Variants in OR3A2 observed in about 807,000 individuals in gnomAD.
OR3A2 encodes the protein olfactory receptor family 3 subfamily A member 2.
For synonymous variants in OR3A2, 126 were observed against 159.3 expected, an observed-to-expected ratio of 0.79 and a Z score of 1.57; for missense variants, 318 against 392.8, an observed-to-expected ratio of 0.81 and a Z score of 1.61.
At chr17:3,278,242 C>T in exon 2 of OR3A2, 1 of 1,614,228 alleles carries the variant, frequency 6.2e-7, no homozygotes, top group East Asian at 2.2e-5. Context: ...AGAACTGCAG[C>T]TGCCACGTGG....
rs756901542 is a variant in OR3A2, at chr17:3,292,455, CT to C, written c.-84-13303del. On this transcript the variant is annotated intron_variant, in intron 3 of 4. Transcript: ENST00000573491. ...AGCTGCCAGGATGCTGAGGTTGCCC[CT>C]GACCGTGACCAGGTAGGCAAAGAGG... The C allele has an allele frequency of 1.1e-3, 1,767 of 1,613,606 alleles. 1 individual carries two copies. The highest frequency in any genetic ancestry group is 1.4e-3 in the Non-Finnish European group (1,632 of 1,179,938).
At chr17:3,377,920 G>C (rs2049698279) in intron 2 of OR3A2, among the ~76,000 whole-genome samples, 2 of 152,178 alleles carry the variant, frequency 1.3e-5, no homozygotes, top group African/African-American at 4.8e-5. Context: ...ACCACCTTTT[G>C]ACCCAGCAGT....
At chr17:3,353,069 T>C (rs1347237340) in intron 2 of OR3A2, among the ~76,000 whole-genome samples, 1 of 151,806 alleles carries the variant, frequency 6.6e-6, no homozygotes, top group East Asian at 1.9e-4. Flanking sequence ...TGCTACTTTT[T>C]TTATGTTGAT....
At chr17:3,340,017 A>C (rs1188277028) in intron 2 of OR3A2, among the ~76,000 whole-genome samples, 1 of 152,222 alleles carries the variant, frequency 6.6e-6, no homozygotes, top group African/African-American at 2.4e-5. Flanking sequence ...GTATGTGTCC[A>C]GAAATTTATC....
chr17:3,314,013 T>G (rs1468654476), intron 3 of OR3A2, among the ~76,000 whole-genome samples: 2 of 152,178 alleles, frequency 1.3e-5, no homozygotes, highest in Non-Finnish European at 2.9e-5. Flanking sequence ...AAGAGAAAAT[T>G]TTTTAAAGAT....
At chr17:3,356,909 C>A (rs2049469613) in intron 2 of OR3A2, among the ~76,000 whole-genome samples, 1 of 151,588 alleles carries the variant, frequency 6.6e-6, no homozygotes, top group South Asian at 2.1e-4. Context: ...CTAGAAGTTT[C>A]TCATTAAGTA....
intron 2 of OR3A2, among the ~76,000 whole-genome samples, chr17:3,352,380 G>T (rs1269941913): frequency 2.0e-5 from 3 of 151,806 alleles, no homozygotes; most frequent in Non-Finnish European, 4.4e-5. Flanking sequence ...TAGTTTCATA[G>T]TTTGAGGTCT....
chr17:3,332,330 T>G (rs566785945), intron 3 of OR3A2, among the ~76,000 whole-genome samples: 4 of 152,344 alleles, frequency 2.6e-5, no homozygotes, highest in Admixed American at 2.6e-4. Flanking sequence ...CCTTGCAGTT[T>G]GATCTCAGAC....
chr17:3,286,274 C>T (rs1053493561), upstream of OR3A2, among the ~76,000 whole-genome samples: 2 of 152,156 alleles, frequency 1.3e-5, no homozygotes, highest in East Asian at 1.9e-4. Context: ...CATAGTATTC[C>T]ATGGTATATA....
At chr17:3,344,132 T>C (rs392510) in intron 2 of OR3A2, among the ~76,000 whole-genome samples, 88,514 of 151,956 alleles carry the variant, frequency 0.58, 26,682 homozygotes, top group African/African-American at 0.71. Context: ...CTCTGTGGCA[T>C]TGCCCCTTCT....
At chr17:3,289,641 C>T (rs2048846745) in intron 3 of OR3A2, among the ~76,000 whole-genome samples, 1 of 152,180 alleles carries the variant, frequency 6.6e-6, no homozygotes, top group Admixed American at 6.5e-5. Context: ...TCTATTCATT[C>T]AAACTAACAG....
intron 2 of OR3A2, among the ~76,000 whole-genome samples, chr17:3,337,430 C>T (rs1567559814): frequency 6.6e-6 from 1 of 152,132 alleles, no homozygotes; most frequent in Non-Finnish European, 1.5e-5. Context: ...CCCCATCCCC[C>T]AACCCCACGA....
chr17:3,355,300 ATCTATTAGG>A (rs2049456755), intron 2 of OR3A2, among the ~76,000 whole-genome samples: 2 of 151,386 alleles, frequency 1.3e-5, no homozygotes, highest in African/African-American at 4.9e-5. Flanking sequence ...TTCTGTAAAT[ATCTATTAGG>A]TCTATTTGTT....
intron 2 of OR3A2, among the ~76,000 whole-genome samples, chr17:3,380,132 TC>T (rs1315665996): frequency 1.3e-5 from 2 of 152,080 alleles, no homozygotes; most frequent in Non-Finnish European, 2.9e-5. Flanking sequence ...CTGCTGTAAC[TC>T]CCCCTTTGCC....
chr17:3,281,456 G>A (rs1446671212), intron 1 of OR3A2, among the ~76,000 whole-genome samples: 3 of 151,830 alleles, frequency 2.0e-5, no homozygotes, highest in African/African-American at 4.8e-5. Flanking sequence ...GGATGGTGTC[G>A]ATCTCTTGAC....
At chr17:3,295,923 T>C (rs16952833) in intron 3 of OR3A2, among the ~76,000 whole-genome samples, 2,144 of 152,228 alleles carry the variant, frequency 0.014, 35 homozygotes, top group African/African-American at 0.048. Context: ...AAGCACAGGA[T>C]GTTCAAAGAG....
At chr17:3,278,053 T>G (rs1215297459) in exon 2 of OR3A2, 2 of 1,613,602 alleles carry the variant, frequency 1.2e-6, no homozygotes, top group Non-Finnish European at 1.7e-6. Flanking sequence ...ATAAGAGGGT[T>G]CAGCATAGGG....
At chr17:3,358,344 C>T (rs1387851888) in intron 2 of OR3A2, among the ~76,000 whole-genome samples, 6 of 151,410 alleles carry the variant, frequency 4.0e-5, no homozygotes, top group Non-Finnish European at 5.9e-5. Flanking sequence ...GTTCTTGCTT[C>T]TTTAATCTTT....
At chr17:3,316,509 T>C (rs909485488) in intron 3 of OR3A2, among the ~76,000 whole-genome samples, 3 of 152,246 alleles carry the variant, frequency 2.0e-5, no homozygotes, top group African/African-American at 7.2e-5. Flanking sequence ...TCAGCAGAAT[T>C]ATAACAGTAG....
Sources: allele counts gnomAD v4.1 joint callset (sites outside exome capture counted in the v4.1 genomes callset), GRCh38; gene constraint gnomAD v4.1.1; transcripts MANE v1.5; gene names NCBI Gene and HGNC (gene_info 2026-07-23, HGNC 2026-07-21).